Variants in BANP observed in about 807,000 individuals in gnomAD.
The protein encoded by BANP is protein BANP.
BANP carries 11 observed loss-of-function variants against 68.1 expected under a neutral mutation model. The ratio of observed to expected loss-of-function variants is 0.16; its 90% CI spans 0.10 to 0.27. The LOEUF is 0.27. BANP is among the 10% of genes least tolerant of loss of function. The probability of loss-of-function intolerance (pLI) is 1.00; values close to 1 mark genes in which losing one functional copy is unlikely to be tolerated. For synonymous variants in BANP, 329 were observed against 303.2 expected (o/e 1.09, Z -0.88); for missense variants, 504 against 722.7 (o/e 0.70, Z 3.47).
At chr16:87,968,343 G>C (rs990024230) in intron 1 of BANP, among the ~76,000 whole-genome samples, 6 of 152,074 alleles carry the variant, frequency 3.9e-5, no homozygotes, top group Admixed American at 3.9e-4. Flanking sequence ...AATTAGCCGG[G>C]CATGGTGGTG....
intron 1 of BANP, among the ~76,000 whole-genome samples, chr16:87,965,733 G>A (rs1597824773): frequency 6.6e-6 from 1 of 152,178 alleles, no homozygotes; most frequent in Admixed American, 6.5e-5. Flanking sequence ...GCTGAGAAGT[G>A]GATTTAAGGC....
chr16:87,993,030 C>T (rs2066288805), intron 4 of BANP, among the ~76,000 whole-genome samples: 1 of 152,242 alleles, frequency 6.6e-6, no homozygotes, highest in South Asian at 2.1e-4. Context: ...TTTTGAGGAG[C>T]ATTGGGTCGG....
intron 11 of BANP, among the ~76,000 whole-genome samples, chr16:88,053,842 A>C (rs1190545835): frequency 6.9e-6 from 1 of 144,216 alleles, no homozygotes; most frequent in Admixed American, 6.9e-5. Context: ...CACCTTAACA[A>C]CCACTACCAC....
chr16:88,068,421 C>T (rs908747688), intron 12 of BANP, among the ~76,000 whole-genome samples: 2 of 152,180 alleles, frequency 1.3e-5, no homozygotes, highest in African/African-American at 2.4e-5. Flanking sequence ...TTCAAGGCCT[C>T]GGCCTGGTGG....
chr16:87,982,723 A>G (rs890103112), intron 3 of BANP: 1 of 152,322 alleles, frequency 6.6e-6, no homozygotes, highest in Non-Finnish European at 1.5e-5. Flanking sequence ...GAATCTTGCC[A>G]GGAGAGGTGG....
chr16:88,076,126 G>C (rs1290324053), intron 13 of BANP, among the ~76,000 whole-genome samples: 40 of 152,214 alleles, frequency 2.6e-4, no homozygotes, highest in Admixed American at 2.6e-3. Context: ...ACCAGAACCT[G>C]TATCTTTGAG....
intron 4 of BANP, among the ~76,000 whole-genome samples, chr16:87,987,193 C>T (rs1047232310): frequency 6.6e-6 from 1 of 152,104 alleles, no homozygotes; most frequent in African/African-American, 2.4e-5. Context: ...ATTCTCCTGC[C>T]TCATCCTCCC....
chr16:88,029,366 T>C (rs1158223294), intron 8 of BANP, among the ~76,000 whole-genome samples: 3 of 149,492 alleles, frequency 2.0e-5, no homozygotes, highest in Non-Finnish European at 4.4e-5. Context: ...TCCCAGCACT[T>C]TGGGAGGCCA....
chr16:87,962,213 C>G (rs2059287210), intron 1 of BANP, among the ~76,000 whole-genome samples: 2 of 125,662 alleles, frequency 1.6e-5, no homozygotes, highest in Admixed American at 2.1e-4. Context: ...GCACTCCAGT[C>G]TGGGCTACAG....
intron 1 of BANP, among the ~76,000 whole-genome samples, chr16:87,964,339 A>G (rs1011728134): frequency 6.6e-6 from 1 of 152,242 alleles, no homozygotes; most frequent in Admixed American, 6.5e-5. Flanking sequence ...CTCACCTTCT[A>G]GCAGGAGACA....
chr16:88,013,569 G>A lies in BANP; in HGVS notation c.656-4859G>A, dbSNP rs189841506. The stretch of plus-strand genomic sequence containing the variant: ...TCTCTCTCAGTGTGGTGTGACGTGG[G>A]CGTGCCCCATGCCTAGTCCTTAGAC... On this transcript the variant is annotated intron_variant, in intron 6 of 13. Transcript: ENST00000682872. 3.9e-5 allele frequency among the ~76,000 whole-genome samples: 6 copies of A among 152,342 alleles called. No individual in the cohort carries two copies. In the East Asian group the frequency reaches 1.2e-3, roughly 30 times the overall value.
chr16:88,058,583 G>A (rs1453215591), intron 11 of BANP, among the ~76,000 whole-genome samples: 1 of 152,186 alleles, frequency 6.6e-6, no homozygotes, highest in East Asian at 1.9e-4. Context: ...AGGGGAACGT[G>A]GCCAAGGTTT....
At chr16:88,021,296 G>A (rs187258642) in intron 7 of BANP, among the ~76,000 whole-genome samples, 1 of 152,190 alleles carries the variant, frequency 6.6e-6, no homozygotes, top group Non-Finnish European at 1.5e-5. Flanking sequence ...AGGGGCGTCC[G>A]CTAGCACCGT....
chr16:88,024,406 T>C (rs1206909500), intron 7 of BANP, among the ~76,000 whole-genome samples: 2 of 152,246 alleles, frequency 1.3e-5, no homozygotes, highest in African/African-American at 2.4e-5. Flanking sequence ...AAAAAATGTC[T>C]GTCAAATAAC....
intron 6 of BANP, among the ~76,000 whole-genome samples, chr16:88,012,582 C>T (rs1474863444): frequency 6.6e-6 from 1 of 152,176 alleles, no homozygotes. Flanking sequence ...GCATTCGTCA[C>T]CTCTGTGACT....
intron 1 of BANP, among the ~76,000 whole-genome samples, chr16:87,963,170 G>A (rs1597791126): frequency 6.6e-6 from 1 of 152,098 alleles, no homozygotes; most frequent in East Asian, 1.9e-4. Context: ...GAGGAGAAGG[G>A]CGCCAGGACG....
intron 4 of BANP, among the ~76,000 whole-genome samples, chr16:87,984,573 C>T (rs1345284993): frequency 6.6e-6 from 1 of 152,238 alleles, no homozygotes; most frequent in South Asian, 2.1e-4. Context: ...CCTACTCTAC[C>T]TGGCTAGTCT....
At chr16:88,053,087 C>G (rs2083694108) in intron 11 of BANP, among the ~76,000 whole-genome samples, 1 of 152,068 alleles carries the variant, frequency 6.6e-6, no homozygotes, top group African/African-American at 2.4e-5. Flanking sequence ...ACCAACCCAA[C>G]CACCCTAACA....
At chr16:88,076,503 C>G in intron 13 of BANP, 87 bp from the exon 14 acceptor site, 1 of 1,217,064 alleles carries the variant, frequency 8.2e-7, no homozygotes, top group Non-Finnish European at 1.2e-6. Flanking sequence ...CTCATTCTGC[C>G]TTAAAGTCAC....
Sources: allele counts gnomAD v4.1 joint callset (sites outside exome capture counted in the v4.1 genomes callset), GRCh38; gene constraint gnomAD v4.1.1; transcripts MANE v1.5; gene names NCBI Gene and HGNC (gene_info 2026-07-23, HGNC 2026-07-21).